Variants in USPL1 observed in about 807,000 individuals in gnomAD.
The protein encoded by USPL1 is SUMO-specific isopeptidase USPL1.
USPL1 carries 27 observed loss-of-function variants against 51.5 expected under a neutral mutation model. That is an observed-to-expected ratio of 0.52 (90% CI 0.39 to 0.72). USPL1 has a LOEUF of 0.72. Ranked by LOEUF, USPL1 falls within the 30% of genes least tolerant of loss-of-function variation. The pLI, the probability that USPL1 is intolerant of heterozygous loss-of-function variation, is 0.00. For synonymous variants in USPL1, 451 were observed against 459.6 expected (o/e 0.98, Z 0.24); for missense variants, 1,226 against 1,268.0 (o/e 0.97, Z 0.50).
intron 3 of USPL1, among the ~76,000 whole-genome samples, chr13:30,622,170 A>G (rs1182034326): frequency 6.6e-6 from 1 of 151,938 alleles, no homozygotes; most frequent in Non-Finnish European, 1.5e-5. Flanking sequence ...GGTCCTTGTT[A>G]GCTATTAGCA....
intron 4 of USPL1, among the ~76,000 whole-genome samples, chr13:30,634,403 G>A (rs1362091489): frequency 2.0e-5 from 3 of 152,162 alleles, no homozygotes; most frequent in South Asian, 2.1e-4. Flanking sequence ...TTCAGACCAC[G>A]GTTGAGTTCA....
intron 4 of USPL1, among the ~76,000 whole-genome samples, chr13:30,634,097 T>C (rs541414973): frequency 6.6e-6 from 1 of 152,336 alleles, no homozygotes; most frequent in South Asian, 2.1e-4. Context: ...TTACAGCTTC[T>C]CTTTGGCATA....
intron 4 of USPL1, among the ~76,000 whole-genome samples, chr13:30,633,244 TTTA>T (rs1485731203): frequency 6.6e-6 from 1 of 152,144 alleles, no homozygotes; most frequent in Non-Finnish European, 1.5e-5. Context: ...ATTGTTGTAT[TTTA>T]TTATTAGTTT....
chr13:30,657,959 C>G lies in USPL1; in HGVS notation c.1882C>G (p.Gln628Glu), dbSNP rs759120136. 1 of 1,613,642 alleles carries G rather than the reference C, an allele frequency of 6.2e-7. No homozygotes were observed. Among genetic ancestry groups the G allele is most frequent in the South Asian group, 1.1e-5 (1 of 91,082 alleles). Residue 628 changes from glutamine to glutamate, a missense_variant, in exon 9 of 9, where the codon CAA becomes GAA. By Grantham distance (29) the Gln-to-Glu change is conservative. Coordinates refer to ENST00000255304, the MANE Select transcript of USPL1 (RefSeq NM_005800.5). Reference protein sequence around the residue: ...GILKTNTLLSQESLMASSVSA... With the variant: ...GILKTNTLLSEESLMASSVSA... ...TCTCAAAACCAATACTTTGCTATCA[C>G]AAGAATCACTAATGGCTTCTTCAGT... is the stretch of plus-strand genomic sequence containing the variant.
Position 30,658,021 on chromosome 13 carries a change from A to G in USPL1, c.1944A>G (p.Gln648=). ...APCNEKLIQD[Q]FVDISFPSQV... Reference sequence around the variant, plus strand: ...GTAATGAAAAGCTTATTCAAGACCAATTTGTGGACATAAGTTTTCCATCCC... The same window carrying G: ...GTAATGAAAAGCTTATTCAAGACCAGTTTGTGGACATAAGTTTTCCATCCC... The change falls in exon 9 of 9, where the codon CAA becomes CAG. Residue 648 remains glutamine, a synonymous_variant. Transcript: ENST00000255304. 1.2e-6 allele frequency: 2 copies of G among 1,613,282 alleles called. No homozygotes were observed. Among genetic ancestry groups the G allele is most frequent in the Non-Finnish European group, 1.7e-6 (2 of 1,179,944 alleles).
intron 3 of USPL1, among the ~76,000 whole-genome samples, chr13:30,624,194 C>T (rs1593359550): frequency 6.6e-6 from 1 of 152,100 alleles, no homozygotes; most frequent in Non-Finnish European, 1.5e-5. Flanking sequence ...CATTTGGTGT[C>T]CTCTGGAGAA....
chr13:30,621,467 A>T (rs945824883), intron 2 of USPL1, among the ~76,000 whole-genome samples: 1 of 152,144 alleles, frequency 6.6e-6, no homozygotes, highest in East Asian at 1.9e-4. Context: ...TTCTTTGAAA[A>T]TATGGTACAT....
Position 30,658,547 on chromosome 13 carries a change from C to T in USPL1, c.2470C>T (p.Pro824Ser), listed in dbSNP as rs1404108401. The change falls in exon 9 of 9, where the codon CCC becomes TCC. Residue 824 changes from proline to serine, a missense_variant. Coordinates refer to ENST00000255304, the MANE Select transcript of USPL1 (RefSeq NM_005800.5). ...KARKSASKPP[P>S]ISKPPAGPPS... ...TCGTAAGAGTGCAAGTAAGCCTCCT[C>T]CCATCAGTAAGCCACCAGCAGGCCC... is the stretch of plus-strand genomic sequence containing the variant. The T allele has an allele frequency of 6.2e-7, 1 of 1,614,124 alleles. No individual in the cohort carries two copies.
intron 7 of USPL1, among the ~76,000 whole-genome samples, chr13:30,650,812 A>G (rs1458792620): frequency 6.6e-6 from 1 of 151,952 alleles, no homozygotes; most frequent in Non-Finnish European, 1.5e-5. Context: ...CAACATGGTG[A>G]AACCCCATCT....
chr13:30,640,711 T>C (rs1189841500), intron 5 of USPL1, among the ~76,000 whole-genome samples: 2 of 152,152 alleles, frequency 1.3e-5, no homozygotes, highest in Non-Finnish European at 2.9e-5. Flanking sequence ...AAAAAAACTT[T>C]TTTTAATGTT....
rs376748257 is a variant in USPL1, at chr13:30,634,825, T to G, written c.869-2919T>G. Among the ~76,000 whole-genome samples, 36 of 152,282 alleles carry G rather than the reference T, an allele frequency of 2.4e-4. No individual in the cohort carries two copies. In the South Asian group the frequency reaches 4.8e-3, roughly 20 times the overall value. On this transcript the variant is annotated intron_variant, in intron 4 of 8. Coordinates refer to ENST00000255304, the MANE Select transcript of USPL1 (RefSeq NM_005800.5). ...TCCCATTAATAGTGTATATAAGAGGTCTTCCTGATCCATATATTCTTCTTG... is the reference window on the plus strand; with the variant it reads ...TCCCATTAATAGTGTATATAAGAGGGCTTCCTGATCCATATATTCTTCTTG...
Position 30,637,876 on chromosome 13 carries a change from TTAC to T in USPL1, c.982+21_982+23del, listed in dbSNP as rs772502670. The T allele has an allele frequency of 6.5e-7, 1 of 1,535,894 alleles. No individual in the cohort carries two copies. Among genetic ancestry groups the T allele is most frequent in the South Asian group, 1.1e-5 (1 of 89,256 alleles). On this transcript the variant is annotated intron_variant, in intron 5 of 8. Transcript: ENST00000255304. ...ACATTAGGTAAGTAATTGGTAAAAC[TTAC>T]TTGTATTATACTCATCTACCATATA...
chr13:30,642,794 G>C, intron 6 of USPL1, 37 bp downstream of exon 6: 1 of 1,597,142 alleles, frequency 6.3e-7, no homozygotes, highest in South Asian at 1.1e-5. Flanking sequence ...GGTTCTTCTA[G>C]TTTCTCCACC....
At chr13:30,619,255 T>C (rs1950615675) in intron 1 of USPL1, among the ~76,000 whole-genome samples, 1 of 152,196 alleles carries the variant, frequency 6.6e-6, no homozygotes, top group Non-Finnish European at 1.5e-5. Context: ...CCACCTCTGG[T>C]ATTTTTTTTA....
chr13:30,657,725 C>T lies in USPL1; in HGVS notation c.1648C>T (p.Pro550Ser), dbSNP rs145871924. ...AGCTGAAACAGCCTCAGTAACTCAC[C>T]CTAAAGATATATCAGTTGCCCCTCG... ...ASAETASVTH[P>S]KDISVAPRTL... The change falls in exon 9 of 9, where the codon CCT becomes TCT. Residue 550 changes from proline to serine, a missense_variant. Pro to Ser is a moderately conservative substitution (Grantham distance 74). Coordinates refer to ENST00000255304, the MANE Select transcript of USPL1 (RefSeq NM_005800.5). 91 of 1,614,010 alleles carry T rather than the reference C, an allele frequency of 5.6e-5. No homozygotes were observed. In the Middle Eastern group the frequency reaches 6.6e-4, roughly 12 times the overall value.
rs139994768 is a variant in USPL1 at position 30,653,271 on chromosome 13, T to G, written c.1362T>G (p.Asn454Lys). The G allele has an allele frequency of 1.6e-4, 253 of 1,607,788 alleles. No individual in the cohort carries two copies. The highest frequency in any genetic ancestry group is 3.9e-5 in the Non-Finnish European group (46 of 1,175,902). ...CTTCTGTAATTCAGTATCGAGCAAA[T>G]AATCATTTTATAACATGGATTTTAG... ...QITSVIQYRA[N>K]NHFITWILDA... The change falls in exon 8 of 9, where the codon AAT (asparagine) becomes AAG (lysine). Residue 454 changes from asparagine to lysine, a missense_variant. By Grantham distance (94) the Asn-to-Lys change is moderately conservative. Coordinates refer to ENST00000255304, the MANE Select transcript of USPL1 (RefSeq NM_005800.5).
chr13:30,653,068 A>G, intron 7 of USPL1, 80 bp from the exon 8 acceptor site: 1 of 1,372,014 alleles, frequency 7.3e-7, no homozygotes, highest in East Asian at 2.4e-5. Flanking sequence ...ATGTGTGACT[A>G]GTTCACTTCA....
intron 7 of USPL1, among the ~76,000 whole-genome samples, chr13:30,649,848 T>G (rs1291928800): frequency 6.6e-6 from 1 of 152,234 alleles, no homozygotes; most frequent in Non-Finnish European, 1.5e-5. Context: ...TTAGGTGAAT[T>G]CAAATGGATC....
intron 3 of USPL1, among the ~76,000 whole-genome samples, chr13:30,626,573 C>T (rs1312292726): frequency 2.6e-5 from 4 of 152,046 alleles, no homozygotes; most frequent in African/African-American, 9.7e-5. Flanking sequence ...TTTGCTGATC[C>T]CTGTATAAGT....
Sources: gnomAD v4.1 joint callset for allele counts (sites outside exome capture counted in the v4.1 genomes callset) on GRCh38, gnomAD v4.1.1 for gene constraint, MANE v1.5 for transcripts, NCBI Gene and HGNC (gene_info 2026-07-23, HGNC 2026-07-21) for gene names.